Variants in TNFSF4 observed in about 807,000 individuals in gnomAD.
TNFSF4 encodes the protein TNF superfamily member 4.
Under a neutral mutation model 7.3 loss-of-function variants are expected in TNFSF4, and 4 were observed. The ratio of observed to expected loss-of-function variants is 0.55; its 90% CI spans 0.27 to 1.25. The LOEUF is 1.25. TNFSF4 is among the 50% of genes most tolerant of loss of function. The pLI, the probability that TNFSF4 is intolerant of heterozygous loss-of-function variation, is 0.12. For missense variants in TNFSF4, 181 were observed against 208.8 expected (o/e 0.87, Z 0.82); for synonymous variants, 76 against 83.7 (o/e 0.91, Z 0.50).
chr1:173,338,266 T>C, the TNFSF4 span, among the ~76,000 whole-genome samples: 1 of 152,208 alleles, frequency 6.6e-6, no homozygotes, highest in Non-Finnish European at 1.5e-5. Context: ...AGACATTTAC[T>C]CTGGAAATGG....
At chr1:173,273,528 A>G in the TNFSF4 span, among the ~76,000 whole-genome samples, 1 of 152,174 alleles carries the variant, frequency 6.6e-6, no homozygotes, top group South Asian at 2.1e-4. Context: ...TTTCTAATCA[A>G]TGAGGATGGC....
the TNFSF4 span, among the ~76,000 whole-genome samples, chr1:173,280,878 C>A: frequency 6.6e-6 from 1 of 152,214 alleles, no homozygotes; most frequent in East Asian, 1.9e-4. Context: ...TCATCTCATT[C>A]ATTGTACATG....
the TNFSF4 span, among the ~76,000 whole-genome samples, chr1:173,212,379 T>A: frequency 6.6e-6 from 1 of 152,158 alleles, no homozygotes; most frequent in African/African-American, 2.4e-5. Flanking sequence ...AGAGCCAGAC[T>A]TGTGAATCTC....
At chr1:173,356,802 ATAT>A in the TNFSF4 span, among the ~76,000 whole-genome samples, 1 of 152,212 alleles carries the variant, frequency 6.6e-6, no homozygotes, top group East Asian at 1.9e-4. Context: ...TGTTCTCTGT[ATAT>A]TAGGAAGAGG....
the TNFSF4 span, among the ~76,000 whole-genome samples, chr1:173,320,052 T>C: frequency 6.6e-6 from 1 of 152,018 alleles, no homozygotes. Context: ...CAGGCCAATA[T>C]CCCTGATGAA....
chr1:173,339,648 A>T, the TNFSF4 span, among the ~76,000 whole-genome samples: 1 of 152,182 alleles, frequency 6.6e-6, no homozygotes, highest in Non-Finnish European at 1.5e-5. Flanking sequence ...GTATTTAAGT[A>T]TTGTTAATTT....
chr1:173,242,281 T>C, the TNFSF4 span, among the ~76,000 whole-genome samples: 4 of 152,146 alleles, frequency 2.6e-5, no homozygotes, highest in Non-Finnish European at 5.9e-5. Context: ...TGCTTTTTAA[T>C]CCACCCTCCA....
At chr1:173,320,157 G>A in the TNFSF4 span, among the ~76,000 whole-genome samples, 1 of 152,148 alleles carries the variant, frequency 6.6e-6, no homozygotes, top group Non-Finnish European at 1.5e-5. Context: ...CTTCATCCTT[G>A]GGATGCAAGG....
At chr1:173,383,695 T>C in the TNFSF4 span, among the ~76,000 whole-genome samples, 513 of 152,010 alleles carry the variant, frequency 3.4e-3, no homozygotes, top group Non-Finnish European at 6.0e-3. Flanking sequence ...ATTTTTTTTT[T>C]CAGATCAACA....
chr1:173,201,777 A>G (rs1258469946), intron 1 of TNFSF4, among the ~76,000 whole-genome samples: 2 of 152,184 alleles, frequency 1.3e-5, no homozygotes, highest in East Asian at 3.8e-4. Context: ...TATCAAAAGC[A>G]TGGGTGATTA....
chr1:173,326,615 A>G, the TNFSF4 span, among the ~76,000 whole-genome samples: 9 of 151,952 alleles, frequency 5.9e-5, no homozygotes, highest in Non-Finnish European at 8.8e-5. Flanking sequence ...TATCTAGAAA[A>G]CCCCATTGTC....
chr1:173,333,575 T>C, the TNFSF4 span, among the ~76,000 whole-genome samples: 1 of 151,852 alleles, frequency 6.6e-6, no homozygotes, highest in African/African-American at 2.4e-5. Context: ...ACTATTCCCA[T>C]CATAAGAGGA....
intron 1 of TNFSF4, among the ~76,000 whole-genome samples, chr1:173,200,539 C>A (rs1307532682): frequency 1.3e-5 from 2 of 152,196 alleles, no homozygotes; most frequent in Admixed American, 1.3e-4. Flanking sequence ...CATCACCCAA[C>A]ACACAAGTAA....
At chr1:173,175,290 G>A in the TNFSF4 span, 1 of 152,198 alleles carries the variant, frequency 6.6e-6, no homozygotes. Flanking sequence ...TAAATCTTGA[G>A]TGCTTTAGAC....
chr1:173,440,932 C>G, the TNFSF4 span, among the ~76,000 whole-genome samples: 1 of 152,038 alleles, frequency 6.6e-6, no homozygotes, highest in Admixed American at 6.6e-5. Flanking sequence ...ATCTTTAGTT[C>G]TAAGTAATTT....
chr1:173,219,081 A>T, the TNFSF4 span, among the ~76,000 whole-genome samples: 1 of 152,160 alleles, frequency 6.6e-6, no homozygotes, highest in African/African-American at 2.4e-5. Flanking sequence ...AATAAGCTTC[A>T]TAGGAACAAT....
the TNFSF4 span, among the ~76,000 whole-genome samples, chr1:173,397,483 G>A: frequency 6.6e-6 from 1 of 152,154 alleles, no homozygotes; most frequent in Non-Finnish European, 1.5e-5. Context: ...ATGTCACTGT[G>A]GCCCTCCAAT....
At chr1:173,315,060 G>C in the TNFSF4 span, among the ~76,000 whole-genome samples, 1 of 152,104 alleles carries the variant, frequency 6.6e-6, no homozygotes, top group Non-Finnish European at 1.5e-5. Context: ...GAGGAAGGAT[G>C]AGAGATGAAA....
chr1:173,311,001 T>C, the TNFSF4 span, among the ~76,000 whole-genome samples: 1 of 151,972 alleles, frequency 6.6e-6, no homozygotes, highest in African/African-American at 2.4e-5. Context: ...TCACTTTTTA[T>C]ATTTTATTCT....
Sources: allele counts gnomAD v4.1 joint callset (sites outside exome capture counted in the v4.1 genomes callset), GRCh38; gene constraint gnomAD v4.1.1; transcripts MANE v1.5; gene names NCBI Gene and HGNC (gene_info 2026-07-23, HGNC 2026-07-21).